PHEX: variants seen among roughly 807,000 people sequenced by gnomAD.
PHEX encodes the protein phosphate regulating endopeptidase X-linked.
PHEX carries 16 observed loss-of-function variants against 68.0 expected under a neutral mutation model. The observed-to-expected ratio is 0.24, with a 90% CI of 0.16 to 0.36. PHEX has a LOEUF of 0.36. Ranked by LOEUF, PHEX falls within the 10% of genes least tolerant of loss-of-function variation. The pLI is 1.00. For missense variants in PHEX, 480 were observed against 575.5 expected (o/e 0.83, Z 1.70); for synonymous variants, 208 against 205.1 (o/e 1.01, Z -0.12).
At chrX:22,129,051 C>T (rs180760965) in intron 11 of PHEX, among the ~76,000 whole-genome samples, 42 of 111,350 alleles carry the variant, frequency 3.8e-4, no homozygotes, top group African/African-American at 1.3e-3. Context: ...AATGTGGTCT[C>T]TCTTTCTCTC....
intron 20 of PHEX, among the ~76,000 whole-genome samples, chrX:22,234,818 C>CAA (rs371302739): frequency 0.39 from 33,967 of 87,216 alleles, 5,505 homozygotes; most frequent in African/African-American, 0.48. Context: ...AGTGGGGTAT[C>CAA]AAAAAAAAAA....
intron 11 of PHEX, among the ~76,000 whole-genome samples, chrX:22,118,529 A>G (rs1931344534): frequency 9.1e-6 from 1 of 110,215 alleles, no homozygotes; most frequent in African/African-American, 3.3e-5. Flanking sequence ...ACCCTGCGTT[A>G]GGACCTCCAG....
chrX:22,061,726 G>T (rs1329705599), intron 3 of PHEX, among the ~76,000 whole-genome samples: 1 of 111,539 alleles, frequency 9.0e-6, no homozygotes, highest in African/African-American at 3.3e-5. Flanking sequence ...ATGGAGCCAG[G>T]ATTAGATTTG....
intron 11 of PHEX, among the ~76,000 whole-genome samples, chrX:22,125,361 C>T (rs1379266765): frequency 8.9e-6 from 1 of 111,764 alleles, no homozygotes; most frequent in African/African-American, 3.2e-5. Flanking sequence ...GATATTATAA[C>T]TTCTAAGTAT....
At chrX:22,209,817 CCTCT>C (rs1250201057) in intron 15 of PHEX, among the ~76,000 whole-genome samples, 7 of 105,721 alleles carry the variant, frequency 6.6e-5, no homozygotes, top group East Asian at 5.9e-4. Flanking sequence ...CCCTCTCCTC[CCTCT>C]GTCTCCTCCC....
At chrX:22,224,051 C>T (rs752136271) in intron 18 of PHEX, among the ~76,000 whole-genome samples, 2 of 111,266 alleles carry the variant, frequency 1.8e-5, no homozygotes, top group African/African-American at 6.5e-5. Flanking sequence ...GGTGTGATCT[C>T]GGCTCACTAC....
intron 12 of PHEX, among the ~76,000 whole-genome samples, chrX:22,145,120 G>T (rs1052991596): frequency 3.6e-5 from 4 of 111,981 alleles, no homozygotes; most frequent in African/African-American, 1.3e-4. Context: ...CTTGCAAAGC[G>T]AAGGGCGATC....
intron 3 of PHEX, among the ~76,000 whole-genome samples, chrX:22,073,635 GTTTTTTTTTTTTTTT>G (rs1182752837): frequency 1.9e-5 from 1 of 53,218 alleles, no homozygotes; most frequent in Non-Finnish European, 3.4e-5. Flanking sequence ...CTGTGCTATA[GTTTTTTTTTTTTTTT>G]TTTTTTTTTT....
intron 1 of PHEX, among the ~76,000 whole-genome samples, chrX:22,036,709 C>A: frequency 9.4e-6 from 1 of 105,968 alleles, no homozygotes; most frequent in South Asian, 4.1e-4. Context: ...TTTATGCTGC[C>A]CATATATATT....
intron 14 of PHEX, among the ~76,000 whole-genome samples, chrX:22,185,931 G>A (rs1445125187): frequency 1.8e-5 from 2 of 109,911 alleles, no homozygotes; most frequent in Admixed American, 1.9e-4. Flanking sequence ...AATTTTTGTA[G>A]TTTTAGTACA....
At chrX:22,226,255 G>A (rs907533871) in intron 18 of PHEX, among the ~76,000 whole-genome samples, 188 bp from the exon 19 acceptor site, 4 of 111,208 alleles carry the variant, frequency 3.6e-5, no homozygotes, top group Non-Finnish European at 7.5e-5. Context: ...TTACATTCCA[G>A]AGCACCTTGC....
At position 22,076,380 on chromosome X, in the gene PHEX, C is replaced by T; in HGVS notation, c.350-8C>T. 1 of 1,197,020 alleles carries T rather than the reference C, an allele frequency of 8.4e-7. No homozygotes were observed. The highest frequency in any genetic ancestry group is 1.1e-6 in the Non-Finnish European group (1 of 882,227). On this transcript the variant is annotated splice_region_variant and splice_polypyrimidine_tract_variant and intron_variant, in intron 3 of 21. Coordinates refer to ENST00000379374, the MANE Select transcript of PHEX (RefSeq NM_000444.6). Reference sequence around the variant, plus strand: ...GGATACTAATGAATCCTTTCTTAACCTTCCCAGAACTTTTGGAGAAATCAA... The same window carrying T: ...GGATACTAATGAATCCTTTCTTAACTTTCCCAGAACTTTTGGAGAAATCAA...
intron 1 of PHEX, 121 bp downstream of exon 1, chrX:22,033,244 T>C: frequency 1.9e-6 from 1 of 537,536 alleles, no homozygotes; most frequent in East Asian, 3.3e-5. Flanking sequence ...TCATAGGTGG[T>C]GTATCTTTAG....
intron 11 of PHEX, among the ~76,000 whole-genome samples, chrX:22,132,612 T>A (rs962535720): frequency 8.9e-6 from 1 of 112,058 alleles, no homozygotes; most frequent in African/African-American, 3.2e-5. Context: ...CCCGTTTCTC[T>A]GTGTTAACAG....
chrX:22,244,850 A>G (rs930800254), intron 20 of PHEX, among the ~76,000 whole-genome samples: 3 of 111,706 alleles, frequency 2.7e-5, no homozygotes, highest in African/African-American at 6.5e-5. Context: ...GCCATGCCCA[A>G]CTTCAAAGGA....
intron 5 of PHEX, among the ~76,000 whole-genome samples, chrX:22,084,566 T>C (rs993251198): frequency 9.9e-6 from 1 of 101,323 alleles, no homozygotes; most frequent in African/African-American, 3.6e-5. Flanking sequence ...TTTGGAAGAG[T>C]TTGAATATAA....
intron 12 of PHEX, among the ~76,000 whole-genome samples, chrX:22,136,124 A>G (rs772701823): frequency 1.4e-3 from 148 of 109,106 alleles, no homozygotes; most frequent in African/African-American, 4.7e-3. Context: ...CTCACAAAGA[A>G]CACTAGCGGC....
chrX:22,040,429 G>A (rs1927219795), intron 2 of PHEX, among the ~76,000 whole-genome samples: 1 of 111,703 alleles, frequency 9.0e-6, no homozygotes, highest in Non-Finnish European at 1.9e-5. Context: ...CCTGGAGTTG[G>A]AGGCCAGCCT....
chrX:22,119,903 G>GATT (rs1482938489), intron 11 of PHEX, among the ~76,000 whole-genome samples: 3 of 110,472 alleles, frequency 2.7e-5, no homozygotes, highest in African/African-American at 6.6e-5. Context: ...GGCCTTGTTT[G>GATT]ATTATTATTA....
Sources: allele counts gnomAD v4.1 joint callset (sites outside exome capture counted in the v4.1 genomes callset), GRCh38; gene constraint gnomAD v4.1.1; transcripts MANE v1.5; gene names NCBI Gene and HGNC (gene_info 2026-07-23, HGNC 2026-07-21).